Variants in UGT1A6 observed in about 807,000 individuals in gnomAD.
UGT1A6 encodes UDP-glucuronosyltransferase 1A6.
UGT1A6 carries 32 observed loss-of-function variants against 44.4 expected under a neutral mutation model. The observed-to-expected ratio is 0.72, with a 90% CI of 0.54 to 0.97. The LOEUF is 0.97. Among genes scored for constraint, UGT1A6 ranks in the 50% least tolerant of loss-of-function variants. The pLI is 0.00. For synonymous variants in UGT1A6, 238 were observed against 248.5 expected (o/e 0.96, Z 0.40); for missense variants, 685 against 661.9 (o/e 1.03, Z -0.38).
rs1249331325 is a variant in UGT1A6 at position 233,743,910 on chromosome 2, C to T, written c.862-23124C>T. ...GGCACGTCCAGCACCTCGTAGTAGT[C>T]CACCATGCTGGATGGCCAGAACGGC... On this transcript the variant is annotated intron_variant, in intron 1 of 4. Coordinates refer to ENST00000305139, the MANE Select transcript of UGT1A6 (RefSeq NM_001072.4). The T allele has an allele frequency of 1.3e-5, 18 of 1,365,836 alleles. No homozygotes were observed. In the South Asian group the frequency reaches 2.0e-4, roughly 16 times the overall value. The allele number at this position is 1,365,836 out of a possible 1,614,324, so 84.6% of individuals were successfully genotyped here.
intron 1 of UGT1A6, among the ~76,000 whole-genome samples, chr2:233,749,524 A>C (rs1694211122): frequency 6.6e-6 from 1 of 151,812 alleles, no homozygotes; most frequent in Non-Finnish European, 1.5e-5. Flanking sequence ...AGCAAGGCTA[A>C]TTTTCGAGTG....
At chr2:233,752,418 C>G (rs969012523) in intron 1 of UGT1A6, 2 of 152,110 alleles carry the variant, frequency 1.3e-5, no homozygotes, top group African/African-American at 2.4e-5. Context: ...TTCTGAAAAC[C>G]TGATTTATCG....
At chr2:233,744,008 G>C in intron 1 of UGT1A6, 6 of 1,163,404 alleles carry the variant, frequency 5.2e-6, no homozygotes, top group Non-Finnish European at 6.7e-6. Context: ...CGGAGACCTG[G>C]GCCGCCTGGA....
chr2:233,718,197 CT>C (rs1159094218), intron 1 of UGT1A6, among the ~76,000 whole-genome samples: 1 of 152,036 alleles, frequency 6.6e-6, no homozygotes, highest in Non-Finnish European at 1.5e-5. Flanking sequence ...CTCCCCGGAG[CT>C]TTTTTTTATA....
chr2:233,757,560 A>ATATATATATATATATATATATGTG (rs904896556), intron 1 of UGT1A6, among the ~76,000 whole-genome samples: 3 of 123,154 alleles, frequency 2.4e-5, no homozygotes, highest in Admixed American at 7.8e-5. Context: ...ATATATATAT[A>ATATATATATATATATATATATGTG]TGTATATATG....
intron 1 of UGT1A6, among the ~76,000 whole-genome samples, chr2:233,734,119 A>AATC (rs958365418): frequency 7.2e-5 from 11 of 152,032 alleles, no homozygotes; most frequent in African/African-American, 2.7e-4. Flanking sequence ...TAATAATAAT[A>AATC]ATAAAAAGAA....
intron 1 of UGT1A6, among the ~76,000 whole-genome samples, chr2:233,707,608 G>A (rs2075975887): frequency 2.0e-5 from 3 of 148,460 alleles, no homozygotes; most frequent in Admixed American, 2.0e-4. Flanking sequence ...GTTGTAGTTT[G>A]TGGATTGTCA....
intron 1 of UGT1A6, chr2:233,756,443 C>T (rs1181894650): frequency 6.6e-6 from 1 of 151,696 alleles, no homozygotes; most frequent in Non-Finnish European, 1.5e-5. Flanking sequence ...ATTGTTGTTC[C>T]CCCCAAATAT....
intron 1 of UGT1A6, among the ~76,000 whole-genome samples, chr2:233,714,855 A>G (rs1055272801): frequency 1.3e-5 from 2 of 152,158 alleles, no homozygotes; most frequent in Non-Finnish European, 2.9e-5. Context: ...TATTCCATGG[A>G]TAAAACTAAA....
chr2:233,743,602 G>A (rs1559387317), intron 1 of UGT1A6: 9 of 1,367,156 alleles, frequency 6.6e-6, no homozygotes, highest in African/African-American at 3.0e-5. Flanking sequence ...GGTCCTGGCC[G>A]CCGAAGAACT....
intron 1 of UGT1A6, among the ~76,000 whole-genome samples, chr2:233,722,425 T>G (rs1224691160): frequency 6.6e-6 from 1 of 152,236 alleles, no homozygotes; most frequent in African/African-American, 2.4e-5. Context: ...ATGGATAGGT[T>G]GAATTATTTG....
intron 1 of UGT1A6, among the ~76,000 whole-genome samples, chr2:233,724,318 C>T (rs1409125726): frequency 1.2e-4 from 17 of 142,986 alleles, no homozygotes; most frequent in African/African-American, 3.4e-4. Context: ...CCGGACGGGG[C>T]GGCTGGCCAG....
intron 1 of UGT1A6, among the ~76,000 whole-genome samples, chr2:233,696,635 G>A (rs2075353037): frequency 6.6e-6 from 1 of 151,978 alleles, no homozygotes; most frequent in African/African-American, 2.4e-5. Flanking sequence ...TTGCTTAATT[G>A]CTTTGGATAG....
chr2:233,747,025 G>A (rs1332207172), intron 1 of UGT1A6, among the ~76,000 whole-genome samples: 1 of 151,910 alleles, frequency 6.6e-6, no homozygotes. Flanking sequence ...GGTCTTTCCC[G>A]AAGTGGGACC....
chr2:233,721,859 C>T (rs1575539894), intron 1 of UGT1A6: 4 of 508,764 alleles, frequency 7.9e-6, no homozygotes, highest in Non-Finnish European at 1.6e-5. Flanking sequence ...CACTGCTCGG[C>T]CCTGGGCACA....
Position 233,760,956 on chromosome 2 carries a change from C to T in UGT1A6, c.862-6078C>T, listed in dbSNP as rs770299996. The T allele has an allele frequency of 1.7e-5, 27 of 1,614,098 alleles. No individual in the cohort carries two copies. Among genetic ancestry groups the T allele is most frequent in the African/African-American group, 2.7e-5 (2 of 74,934 alleles). ...TTGCCTTTTCACAGAACTTTCTGTG[C>T]GACGTGGTTTATTCCCCGTATGCAA... On this transcript the variant is annotated intron_variant, in intron 1 of 4. Coordinates refer to ENST00000305139, the MANE Select transcript of UGT1A6 (RefSeq NM_001072.4).
intron 1 of UGT1A6, among the ~76,000 whole-genome samples, chr2:233,723,070 TATC>T (rs1029287051): frequency 2.8e-5 from 4 of 141,500 alleles, no homozygotes; most frequent in Admixed American, 7.2e-5. Context: ...TATGGAAATA[TATC>T]ATCATTTTTG....
intron 1 of UGT1A6, among the ~76,000 whole-genome samples, chr2:233,737,657 C>T (rs962486142): frequency 2.6e-5 from 4 of 152,206 alleles, no homozygotes; most frequent in African/African-American, 9.6e-5. Context: ...CTGGGAGCTG[C>T]AGATCGGAGC....
chr2:233,711,202 C>T (rs1283848719), intron 1 of UGT1A6, among the ~76,000 whole-genome samples: 1 of 152,242 alleles, frequency 6.6e-6, no homozygotes, highest in Non-Finnish European at 1.5e-5. Context: ...CACAGTCCTG[C>T]TCTCCCCAGT....
Sources: allele counts gnomAD v4.1 joint callset (sites outside exome capture counted in the v4.1 genomes callset), GRCh38; gene constraint gnomAD v4.1.1; transcripts MANE v1.5; gene names NCBI Gene and HGNC (gene_info 2026-07-23, HGNC 2026-07-21).